KLHL15: variants seen among roughly 807,000 people sequenced by gnomAD.
KLHL15 encodes kelch like family member 15.
In KLHL15, 1 loss-of-function variant was observed where a neutral mutation model predicts 29.3. That is an observed-to-expected ratio of 0.03 (90% CI 0.01 to 0.16). The LOEUF (loss-of-function observed/expected upper bound fraction) is 0.16. Among genes scored for constraint, KLHL15 ranks in the 10% least tolerant of loss-of-function variants. KLHL15 has a pLI of 1.00. For missense variants in KLHL15, 215 were observed against 478.5 expected, an observed-to-expected ratio of 0.45 and a Z score of 5.14; for synonymous variants, 212 against 184.5, an observed-to-expected ratio of 1.15 and a Z score of -1.21.
chrX:23,991,839 G>GA (rs1223983536), intron 3 of KLHL15, among the ~76,000 whole-genome samples: 1 of 111,125 alleles, frequency 9.0e-6, no homozygotes, highest in African/African-American at 3.3e-5. Context: ...ACTCCATCTC[G>GA]AAAAAACAAC....
At chrX:24,024,343 G>A (rs892410540) in intron 2 of KLHL15, among the ~76,000 whole-genome samples, 4 of 111,623 alleles carry the variant, frequency 3.6e-5, no homozygotes, top group Non-Finnish European at 7.5e-5. Context: ...TTAAAAAACG[G>A]CCTTGCATTC....
At position 24,006,031 on chromosome X, in the gene KLHL15, A is replaced by T; in HGVS notation, c.663T>A (p.Asn221Lys). The part of the protein sequence containing the change: ...RWRHTDTIIQ[N>K]IRFCLMTPTS... ...TTGGGGTCATCAAGCAAAACCGGATATTCTGAATGATGGTATCGGTATGTC... is the reference window on the plus strand; with the variant it reads ...TTGGGGTCATCAAGCAAAACCGGATTTTCTGAATGATGGTATCGGTATGTC... The change falls in exon 3 of 4, where the codon AAT becomes AAA. Residue 221 changes from asparagine to lysine, a missense_variant. Asn to Lys is a moderately conservative substitution (Grantham distance 94, BLOSUM62 0). Transcript: ENST00000328046. The T allele has an allele frequency of 1.7e-6, 2 of 1,210,754 alleles. No individual in the cohort carries two copies. The highest frequency in any genetic ancestry group is 2.2e-6 in the Non-Finnish European group (2 of 895,283).
intron 2 of KLHL15, among the ~76,000 whole-genome samples, chrX:24,015,948 G>A (rs1929669022): frequency 9.0e-6 from 1 of 110,887 alleles, no homozygotes; most frequent in Admixed American, 9.6e-5. Context: ...GCAGTAAGCC[G>A]AGATCGGGCC....
At chrX:23,997,742 A>AG (rs1929221213) in intron 3 of KLHL15, among the ~76,000 whole-genome samples, 1 of 94,500 alleles carries the variant, frequency 1.1e-5, no homozygotes, top group Admixed American at 1.2e-4. Flanking sequence ...AAAAAAAAAA[A>AG]AAAAAAAAAA....
intron 2 of KLHL15, among the ~76,000 whole-genome samples, chrX:24,017,032 G>C (rs1476008733): frequency 1.8e-5 from 2 of 109,749 alleles, no homozygotes; most frequent in African/African-American, 6.6e-5. Context: ...TCTAGCCTGC[G>C]CAACATATCA....
intron 3 of KLHL15, among the ~76,000 whole-genome samples, chrX:23,997,028 C>T (rs1929204197): frequency 8.9e-6 from 1 of 111,756 alleles, no homozygotes; most frequent in Non-Finnish European, 1.9e-5. Flanking sequence ...TAAGAATTTA[C>T]TCACCCTCTT....
intron 3 of KLHL15, among the ~76,000 whole-genome samples, chrX:24,000,154 T>C (rs1469765620): frequency 8.9e-6 from 1 of 112,250 alleles, no homozygotes; most frequent in Non-Finnish European, 1.9e-5. Context: ...GAAATTCTAA[T>C]CAAATTTCAC....
At chrX:23,991,243 C>T (rs996210299) in intron 3 of KLHL15, among the ~76,000 whole-genome samples, 5 of 108,053 alleles carry the variant, frequency 4.6e-5, no homozygotes, top group Non-Finnish European at 9.6e-5. Flanking sequence ...ACTCCAGCTA[C>T]TCAAGAGGCT....
At chrX:24,015,878 AAT>A (rs1370349341) in intron 2 of KLHL15, among the ~76,000 whole-genome samples, 6 of 110,747 alleles carry the variant, frequency 5.4e-5, no homozygotes, top group Non-Finnish European at 1.1e-4. Flanking sequence ...TGGCACCTGT[AAT>A]CCCAGCTACT....
chrX:24,005,917 A>C, intron 3 of KLHL15, 72 bp downstream of exon 3: 1 of 789,915 alleles, frequency 1.3e-6, no homozygotes, highest in Non-Finnish European at 1.8e-6. Context: ...AAGTCTGTGA[A>C]TCTTATCTAT....
intron 3 of KLHL15, among the ~76,000 whole-genome samples, chrX:23,995,759 A>AAAAAAAAATTGAG (rs1375378364): frequency 9.2e-6 from 1 of 108,670 alleles, no homozygotes; most frequent in Admixed American, 9.9e-5. Flanking sequence ...TTTTGAAAGA[A>AAAAAAAAATTGAG]AAAAAAAATT....
chrX:24,008,864 CGT>C (rs1448319574), intron 2 of KLHL15, among the ~76,000 whole-genome samples: 67 of 79,346 alleles, frequency 8.4e-4, no homozygotes, highest in African/African-American at 4.2e-3. Context: ...TACTCCCACG[CGT>C]GTTAGAAAAA....
Position 24,006,115 on chromosome X carries a change from T to C in KLHL15, c.579A>G (p.Pro193=), listed in dbSNP as rs765740627. Residue 193 remains proline, a synonymous_variant, in exon 3 of 4, where the codon CCA becomes CCG. Coordinates refer to ENST00000328046, the MANE Select transcript of KLHL15 (RefSeq NM_030624.3). The part of the protein sequence containing the change: ...YLDNDHLSRF[P]EIELYEAVQS... ...GCACAGCCTCGTACAGCTCTATCTC[T>C]GGGAACCTGCTCAGATGATCATTAT... The C allele has an allele frequency of 7.4e-6, 9 of 1,211,643 alleles. No individual in the cohort carries two copies. The Admixed American group carries it at 2.0e-4, about 26-fold the overall frequency.
chrX:24,001,255 C>T (rs1167588188), intron 3 of KLHL15, among the ~76,000 whole-genome samples: 4 of 111,194 alleles, frequency 3.6e-5, no homozygotes, highest in Non-Finnish European at 7.5e-5. Flanking sequence ...TTCTCTTTAT[C>T]GGATTTAAAA....
chrX:24,019,821 G>GA (rs1320875352), intron 2 of KLHL15, among the ~76,000 whole-genome samples: 1 of 112,065 alleles, frequency 8.9e-6, no homozygotes, highest in African/African-American at 3.2e-5. Flanking sequence ...TAAAGGCAAA[G>GA]AAATTAAATG....
chrX:24,000,654 G>GT (rs1324657660), intron 3 of KLHL15, among the ~76,000 whole-genome samples: 5 of 111,987 alleles, frequency 4.5e-5, no homozygotes, highest in African/African-American at 1.3e-4. Context: ...TAAATGAACT[G>GT]TTTTTTTCCA....
intron 3 of KLHL15, among the ~76,000 whole-genome samples, chrX:23,990,108 G>A (rs1208628727): frequency 1.8e-5 from 2 of 109,020 alleles, no homozygotes; most frequent in African/African-American, 3.3e-5. Flanking sequence ...GACCAGCCTG[G>A]GCAAACAAAG....
At chrX:23,996,985 C>T (rs1326458631) in intron 3 of KLHL15, among the ~76,000 whole-genome samples, 1 of 112,087 alleles carries the variant, frequency 8.9e-6, no homozygotes, top group Non-Finnish European at 1.9e-5. Context: ...TATTTATAGT[C>T]AATACCAAAT....
chrX:23,997,870 G>GGAGACCAGCCAGGAGTT (rs1929226276), intron 3 of KLHL15, among the ~76,000 whole-genome samples: 1 of 108,699 alleles, frequency 9.2e-6, no homozygotes, highest in Non-Finnish European at 1.9e-5. Flanking sequence ...CTTGATGCCA[G>GGAGACCAGCCAGGAGTT]GAGACCAGCC....
Sources: allele counts gnomAD v4.1 joint callset (sites outside exome capture counted in the v4.1 genomes callset), GRCh38; gene constraint gnomAD v4.1.1; transcripts MANE v1.5; gene names NCBI Gene and HGNC (gene_info 2026-07-23, HGNC 2026-07-21).